IL17RC: variants seen among roughly 807,000 people sequenced by gnomAD.
IL17RC encodes the protein interleukin-17 receptor C.
IL17RC carries 53 observed loss-of-function variants against 86.7 expected under a neutral mutation model. The observed-to-expected ratio is 0.61, with a 90% confidence interval of 0.49 to 0.77. IL17RC has a LOEUF of 0.77. IL17RC is among the 30% of genes least tolerant of loss of function. IL17RC has a pLI of 0.00. For missense variants in IL17RC, 957 were observed against 940.0 expected, an observed-to-expected ratio of 1.02 and a Z score of -0.24; for synonymous variants, 439 against 413.1, an observed-to-expected ratio of 1.06 and a Z score of -0.76.
In IL17RC at chr3:9,930,809, G is replaced by A. The variant is rs279545; in HGVS notation, c.1339-86G>A. The A allele has an allele frequency of 0.76, 905,654 of 1,198,708 alleles. 351,666 individuals carry two copies. Among genetic ancestry groups the A allele is most frequent in the East Asian group, 0.8 (34,337 of 43,006 alleles). The allele number at this position is 1,198,708 out of a possible 1,614,324, so 74.3% of individuals were successfully genotyped here. A position where few individuals can be genotyped will look rare whatever the true frequency, so the allele number is the denominator to read the frequency against. ...GGGAGATATGCATAGTTGATGCTGG[G>A]AATTTGGAGATCAGGCCACCAGAGC... On this transcript the variant is annotated intron_variant, in intron 15 of 18. Transcript: ENST00000403601. The surrounding 1 kb of genome is among the most constrained non-coding windows in gnomAD (Gnocchi z 5.8).
In IL17RC at chr3:9,932,855, G is replaced by C. The variant is rs763525201; in HGVS notation, c.1519G>C (p.Gly507Arg). ...GCTCTTGAAACAGGACGTCCGCTCG[G>C]GGGGTGAGTGGGAGCAAGCGCTGGG... Reference protein sequence around the residue: ...LRLLKQDVRSGAAARGRAALL... With the variant: ...LRLLKQDVRSRAAARGRAALL... The change falls in exon 18 of 19, where the codon GGG (glycine) becomes CGG (arginine). Residue 507 changes from glycine to arginine, a missense_variant. By Grantham distance (125) the Gly-to-Arg change is moderately radical. Transcript: ENST00000403601. 13 of 1,570,726 alleles carry C rather than the reference G, an allele frequency of 8.3e-6. No homozygotes were observed. In the East Asian group the frequency reaches 9.0e-5, roughly 11 times the overall value.
rs777732109 is a variant in IL17RC, at chr3:9,933,185, G to A, written c.1755G>A (p.Ala585=). ...TGGTCTTGCTCTTCTCTCCCGGTGC[G>A]GTGGCGCTGTGCAGCGAGTGGCTAC... ...GVVVLLFSPG[A]VALCSEWLQD... is the part of the protein sequence containing the mutation. The change falls in exon 19 of 19, where the codon GCG becomes GCA. Residue 585 remains alanine (A), a synonymous_variant. Transcript: ENST00000403601. 11 of 1,607,882 alleles carry A rather than the reference G, an allele frequency of 6.8e-6. No homozygotes were observed. In the African/African-American group the frequency reaches 1.1e-4, roughly 16 times the overall value.
chr3:9,930,896 T>C lies in IL17RC; in HGVS notation c.1340T>C (p.Leu447Pro). 6.2e-7 allele frequency: 1 copy of C among 1,614,028 alleles called. No homozygotes were observed. The highest frequency in any genetic ancestry group is 8.5e-7 in the Non-Finnish European group (1 of 1,179,864). ...TTTGGTTCTGTTTGTATCTTACAGC[T>C]ATGGGACGATGACTTGGGAGCGCTA... ...QDLQSGQCLQ[L>P]WDDDLGALWA... The change falls in exon 16 of 19, where the codon CTA (leucine) becomes CCA (proline). Residue 447 changes from leucine to proline, a missense_variant and splice_region_variant. Coordinates refer to ENST00000403601, the MANE Select transcript of IL17RC (RefSeq NM_153460.4). This position sits in a 1 kb window ranked among gnomAD's most constrained non-coding sequence, Gnocchi z 5.8.
intron 7 of IL17RC, among the ~76,000 whole-genome samples, chr3:9,921,624 C>CTTTTT (rs113901070): frequency 7.4e-6 from 1 of 135,706 alleles, no homozygotes; most frequent in Non-Finnish European, 1.6e-5. Context: ...TACTGATTTT[C>CTTTTT]TTTTTTTTTT....
At chr3:9,922,889 G>C (rs568002341) in intron 7 of IL17RC, among the ~76,000 whole-genome samples, 1 of 151,700 alleles carries the variant, frequency 6.6e-6, no homozygotes, top group South Asian at 2.1e-4. Flanking sequence ...AAATAGTAAG[G>C]AGGGGGCCGG....
chr3:9,919,143 T>G (rs1450310464), intron 5 of IL17RC: 1 of 152,232 alleles, frequency 6.6e-6, no homozygotes, highest in Non-Finnish European at 1.5e-5. Context: ...GTATATGTGG[T>G]GCCAAAACAA....
chr3:9,931,466 CACACATATATATATATATAT>C (rs1385476326), intron 16 of IL17RC, among the ~76,000 whole-genome samples: 1 of 15,638 alleles, frequency 6.4e-5, no homozygotes, highest in African/African-American at 9.3e-5. Flanking sequence ...CACACACACA[CACACATATATATATATATAT>C]ATATATATAT....
Position 9,930,768 on chromosome 3 carries a change from TGCAG to T in IL17RC, c.1339-125_1339-122del. On this transcript the variant is annotated intron_variant, in intron 15 of 18. Coordinates refer to ENST00000403601, the MANE Select transcript of IL17RC (RefSeq NM_153460.4). The surrounding 1 kb of genome is among the most constrained non-coding windows in gnomAD (Gnocchi z 5.8). ...GGGCACAGCACAAAGGCAGAGCAGC[TGCAG>T]GAACCTTAGCCGGGAGATATGCATA... 1 of 866,016 alleles carries T rather than the reference TGCAG, an allele frequency of 1.2e-6. No individual in the cohort carries two copies. Among genetic ancestry groups the T allele is most frequent in the Non-Finnish European group, 2.0e-6 (1 of 500,532 alleles). The allele number at this position is 866,016 out of a possible 1,614,324, so 53.6% of individuals were successfully genotyped here.
chr3:9,926,964 T>G (rs1200953646), intron 9 of IL17RC, among the ~76,000 whole-genome samples: 1 of 152,174 alleles, frequency 6.6e-6, no homozygotes, highest in Non-Finnish European at 1.5e-5. Context: ...TCCTCACTGT[T>G]GAATGAGTGA....
At chr3:9,924,513 C>T (rs1384789208) in intron 9 of IL17RC, among the ~76,000 whole-genome samples, 2 of 152,126 alleles carry the variant, frequency 1.3e-5, no homozygotes, top group East Asian at 3.9e-4. Flanking sequence ...CCTGCTTATT[C>T]TTCATGGCCC....
intron 7 of IL17RC, among the ~76,000 whole-genome samples, chr3:9,922,155 G>T (rs1195618640): frequency 6.6e-6 from 1 of 151,570 alleles, no homozygotes; most frequent in Non-Finnish European, 1.5e-5. Context: ...GTTTCACCAT[G>T]CTGGCCAGGC....
chr3:9,928,843 T>C (rs1317268262), intron 12 of IL17RC, among the ~76,000 whole-genome samples: 1 of 152,202 alleles, frequency 6.6e-6, no homozygotes, highest in Non-Finnish European at 1.5e-5. Context: ...CAGATGATAA[T>C]ACAGTAACTA....
intron 12 of IL17RC, 130 bp downstream of exon 12, chr3:9,928,760 ACTT>A (rs2084359991): frequency 7.8e-6 from 7 of 897,032 alleles, no homozygotes; most frequent in Non-Finnish European, 1.2e-5. Flanking sequence ...TCCACTGCCT[ACTT>A]TAGTAGTGCG....
intron 8 of IL17RC, 72 bp from the exon 9 acceptor site, chr3:9,924,160 G>A (rs1321033767): frequency 8.1e-6 from 13 of 1,608,688 alleles, no homozygotes. Flanking sequence ...CTGCCTTCCT[G>A]GTTTCCTTGA....
chr3:9,929,945 G>A (rs1316404668), intron 13 of IL17RC, 48 bp downstream of exon 13: 2 of 1,613,872 alleles, frequency 1.2e-6, no homozygotes, highest in Admixed American at 1.7e-5. Context: ...TCCTAGGGGT[G>A]AAGGTCAGGG....
Position 9,920,974 on chromosome 3 carries a change from G to A in IL17RC, c.622+5G>A, listed in dbSNP as rs1214225181. Reference sequence around the variant, plus strand: ...ACAGCATCCCGAGCTGCTGGGGTAGGGGCTAGGGCCAGTGGGCCGGGGGTA... The same window carrying A: ...ACAGCATCCCGAGCTGCTGGGGTAGAGGCTAGGGCCAGTGGGCCGGGGGTA... On this transcript the variant is annotated splice_donor_5th_base_variant and intron_variant, in intron 7 of 18. Transcript: ENST00000403601. 6.3e-7 allele frequency: 1 copy of A among 1,582,990 alleles called. No homozygotes were observed. Among genetic ancestry groups the A allele is most frequent in the Admixed American group, 1.9e-5 (1 of 51,656 alleles).
Position 9,933,497 on chromosome 3 carries a change from G to T in IL17RC, c.2067G>T (p.Gln689His). ...CGGAGCAAGTGTCCCGGGCCCTTCA[G>T]CCAGCCCTGGATAGCTACTTCCATC... ...ERAEQVSRAL[Q>H]PALDSYFHPP... The change falls in exon 19 of 19, where the codon CAG becomes CAT. Residue 689 changes from glutamine to histidine, a missense_variant. Gln to His is a conservative substitution (Grantham distance 24). Transcript: ENST00000403601. 1 of 1,611,632 alleles carries T rather than the reference G, an allele frequency of 6.2e-7. No homozygotes were observed. Among genetic ancestry groups the T allele is most frequent in the Non-Finnish European group, 8.5e-7 (1 of 1,179,334 alleles).
rs279548 is a variant in IL17RC, at chr3:9,928,474, C to T, written c.1047C>T (p.Asn349=). The T allele has an allele frequency of 0.23, 377,922 of 1,610,846 alleles. 46,813 individuals carry two copies. The highest frequency in any genetic ancestry group is 0.33 in the Middle Eastern group (2,002 of 6,042). ...QPLVPPLSWE[N]VTVDKVLEFP... ...TGGTCCCACCGCTTTCCTGGGAGAA[C>T]GTCACTGTGGACGTAAGTGAAGCAG... Residue 349 remains asparagine (N), a synonymous_variant, in exon 11 of 19, where the codon AAC becomes AAT. Coordinates refer to ENST00000403601, the MANE Select transcript of IL17RC (RefSeq NM_153460.4).
chr3:9,927,587 T>C (rs2084204848), intron 9 of IL17RC, among the ~76,000 whole-genome samples: 1 of 151,166 alleles, frequency 6.6e-6, no homozygotes, highest in Admixed American at 6.6e-5. Flanking sequence ...AAAATTTAAT[T>C]ATCCAAGGTC....
Sources: gnomAD v4.1 joint callset for allele counts (sites outside exome capture counted in the v4.1 genomes callset) on GRCh38, gnomAD v4.1.1 for gene constraint, Gnocchi (gnomAD v3.1) non-coding constraint, MANE v1.5 for transcripts, NCBI Gene and HGNC (gene_info 2026-07-23, HGNC 2026-07-21) for gene names.